The following FANCB variants were observed in gnomAD, a reference collection of about 807,000 sequenced individuals.
FANCB encodes the protein FA complementation group B.
FANCB carries 5 observed loss-of-function variants against 38.9 expected under a neutral mutation model. That is an observed-to-expected ratio of 0.13 (90% CI 0.07 to 0.27). The LOEUF is 0.27. FANCB is among the 10% of genes least tolerant of loss of function. The pLI is 1.00. For missense variants in FANCB, 573 were observed against 602.7 expected (o/e 0.95, Z 0.52); for synonymous variants, 236 against 215.4 (o/e 1.10, Z -0.84).
chrX:14,785,723 C>A, the FANCB span, among the ~76,000 whole-genome samples: 1 of 111,691 alleles, frequency 9.0e-6, no homozygotes, highest in South Asian at 3.8e-4. Flanking sequence ...ACTTCCCTGG[C>A]AGGCTTATAT....
chrX:14,865,338 A>G lies in FANCB; in HGVS notation c.173T>C (p.Val58Ala). The part of the protein sequence containing the change: ...MVFDRGTKVF[V>A]QKSTGFFTIK... ...GGTAAAAAATCCAGTGGACTTCTGA[A>G]CAAATACTTTTGTTCCTCTGTCAAA... Residue 58 changes from valine (V) to alanine (A), a missense_variant, in exon 3 of 10, where the codon GTT becomes GCT. Transcript: ENST00000650831. The G allele has an allele frequency of 8.4e-7, 1 of 1,187,940 alleles. No individual in the cohort carries two copies. Among genetic ancestry groups the G allele is most frequent in the African/African-American group, 1.8e-5 (1 of 56,632 alleles).
At position 14,843,774 on chromosome X, in the gene FANCB, G is replaced by A. The variant is rs2092363086; in HGVS notation, c.2373C>T (p.Ser791=). Residue 791 remains serine (S), a synonymous_variant, in exon 10 of 10, where the codon AGC becomes AGT. Coordinates refer to ENST00000650831, the MANE Select transcript of FANCB (RefSeq NM_001018113.3). ...CCGCGACGACACTACTCTTTCCTTT[G>A]CTCACTTCACACCTCTGCATAAAAT... ...ESNFMQRCEV[S]KGKSSVVAAA... The A allele has an allele frequency of 3.3e-6, 4 of 1,208,915 alleles. No individual in the cohort carries two copies. Among genetic ancestry groups the A allele is most frequent in the African/African-American group, 3.5e-5 (2 of 56,977 alleles).
chrX:14,871,622 ATGTG>A (rs57974300), intron 1 of FANCB, among the ~76,000 whole-genome samples: 25 of 106,610 alleles, frequency 2.3e-4, no homozygotes, highest in Non-Finnish European at 4.1e-4. Flanking sequence ...CTATCTATAT[ATGTG>A]TGTGTGTGTG....
At chrX:14,691,324 TGCGCGC>T in the FANCB span, among the ~76,000 whole-genome samples, 2 of 64,341 alleles carry the variant, frequency 3.1e-5, no homozygotes, top group Admixed American at 1.6e-4. Flanking sequence ...TGTGTGTGTG[TGCGCGC>T]GTGCGTGCGT....
intron 3 of FANCB, among the ~76,000 whole-genome samples, chrX:14,863,529 C>T (rs937872882): frequency 2.7e-5 from 3 of 112,242 alleles, no homozygotes; most frequent in Non-Finnish European, 3.8e-5. Context: ...TTGGTGGAGA[C>T]ACCCAGTTAC....
At chrX:14,812,138 C>A in the FANCB span, among the ~76,000 whole-genome samples, 5 of 107,147 alleles carry the variant, frequency 4.7e-5, no homozygotes, top group Admixed American at 1.0e-4. Context: ...CACAACATAC[C>A]AGAATCTCTG....
At chrX:14,741,946 T>C in the FANCB span, among the ~76,000 whole-genome samples, 1 of 111,641 alleles carries the variant, frequency 9.0e-6, no homozygotes, top group Non-Finnish European at 1.9e-5. Flanking sequence ...TGAGTTTCTA[T>C]TAGATAAAAT....
At chrX:14,791,468 T>C in the FANCB span, among the ~76,000 whole-genome samples, 1 of 111,821 alleles carries the variant, frequency 8.9e-6, no homozygotes. Context: ...GCTTCCAGAC[T>C]GGTGATGATA....
intron 1 of FANCB, among the ~76,000 whole-genome samples, chrX:14,871,191 A>G (rs753635112): frequency 1.8e-5 from 2 of 111,470 alleles, no homozygotes; most frequent in East Asian, 2.8e-4. Context: ...TTTTTATGTC[A>G]TATTAAGGAC....
chrX:14,767,334 C>A, the FANCB span, among the ~76,000 whole-genome samples: 12 of 112,033 alleles, frequency 1.1e-4, no homozygotes, highest in Non-Finnish European at 2.3e-4. Flanking sequence ...TTTCTCTCCA[C>A]AACCTTGTCA....
At chrX:14,836,763 A>G (rs2092342330) in intron 10 of FANCB, among the ~76,000 whole-genome samples, 1 of 112,013 alleles carries the variant, frequency 8.9e-6, no homozygotes, top group Admixed American at 9.4e-5. Context: ...CGCCCCCAAC[A>G]TGAAATCCTT....
At chrX:14,813,661 C>G in the FANCB span, among the ~76,000 whole-genome samples, 4 of 111,334 alleles carry the variant, frequency 3.6e-5, no homozygotes, top group Admixed American at 1.9e-4. Flanking sequence ...AACCACTACT[C>G]AACGAAATAA....
the FANCB span, among the ~76,000 whole-genome samples, chrX:14,780,471 T>C: frequency 9.0e-6 from 1 of 111,059 alleles, no homozygotes; most frequent in East Asian, 2.8e-4. Flanking sequence ...TAAATGACTA[T>C]CTAAAACATT....
At chrX:14,828,753 C>T in the FANCB span, among the ~76,000 whole-genome samples, 1 of 111,649 alleles carries the variant, frequency 9.0e-6, no homozygotes, top group Non-Finnish European at 1.9e-5. Context: ...CTCTGTCACC[C>T]AGACTGGAAG....
At chrX:14,755,791 G>GA in the FANCB span, among the ~76,000 whole-genome samples, 9 of 109,057 alleles carry the variant, frequency 8.3e-5, no homozygotes, top group Non-Finnish European at 1.3e-4. Context: ...CACAGAAATA[G>GA]AAAAAAAAAT....
chrX:14,764,171 G>T, the FANCB span, among the ~76,000 whole-genome samples: 1 of 111,655 alleles, frequency 9.0e-6, no homozygotes, highest in Non-Finnish European at 1.9e-5. Context: ...TGCAATTAAG[G>T]TGTCACTTGG....
At chrX:14,717,007 T>G in the FANCB span, among the ~76,000 whole-genome samples, 1 of 111,068 alleles carries the variant, frequency 9.0e-6, no homozygotes, top group Non-Finnish European at 1.9e-5. Context: ...TATTATACTC[T>G]ATTTCGTTAT....
the FANCB span, among the ~76,000 whole-genome samples, chrX:14,761,542 G>A: frequency 9.0e-6 from 1 of 110,665 alleles, no homozygotes; most frequent in Non-Finnish European, 1.9e-5. Flanking sequence ...AAAGGACTGG[G>A]AACATAACGC....
chrX:14,771,607 A>T, the FANCB span, among the ~76,000 whole-genome samples: 1 of 111,439 alleles, frequency 9.0e-6, no homozygotes, highest in African/African-American at 3.3e-5. Flanking sequence ...GTAGTTCGTT[A>T]TTACCCACTT....
Sources: gnomAD v4.1 joint callset for allele counts (sites outside exome capture counted in the v4.1 genomes callset) on GRCh38, gnomAD v4.1.1 for gene constraint, MANE v1.5 for transcripts, NCBI Gene and HGNC (gene_info 2026-07-23, HGNC 2026-07-21) for gene names.